The following APLP2 variants were observed in gnomAD, a reference collection of about 807,000 sequenced individuals.
APLP2 encodes the protein CDEI box-binding protein.
In APLP2, 53 loss-of-function variants were observed where a neutral mutation model predicts 89.9. That is an observed-to-expected ratio of 0.59 (90% CI 0.47 to 0.74). The LOEUF (loss-of-function observed/expected upper bound fraction) is 0.74, where lower values mean the gene tolerates loss of function less well. APLP2 is among the 30% of genes least tolerant of loss of function. The pLI, the probability that APLP2 is intolerant of heterozygous loss-of-function variation, is 0.00. For synonymous variants in APLP2, 372 were observed against 348.6 expected (o/e 1.07, Z -0.75); for missense variants, 973 against 975.9 (o/e 1.00, Z 0.04).
In APLP2 at chr11:130,132,619, T is replaced by A. The variant is rs594451; in HGVS notation, c.1585-1010T>A. 3.5e-3 allele frequency among the ~76,000 whole-genome samples: 485 copies of A among 137,600 alleles called. 2 individuals are homozygous for A. The highest frequency in any genetic ancestry group is 0.011 in the Middle Eastern group (3 of 274). 90.3% of individuals were successfully genotyped at this position (137,600 alleles called of 152,430 possible). A position where few individuals can be genotyped will look rare whatever the true frequency, so the allele number is the denominator to read the frequency against. On this transcript the variant is annotated intron_variant, in intron 11 of 16. Transcript: ENST00000338167. Reference sequence around the variant, plus strand: ...TTCTAATGGCCTTTTTTTTTTTTTTTAAATAATGAATAACCTTAGAACTTT... The same window carrying A: ...TTCTAATGGCCTTTTTTTTTTTTTTAAAATAATGAATAACCTTAGAACTTT...
chr11:130,100,265 G>A (rs1946729556), intron 1 of APLP2: 1 of 152,180 alleles, frequency 6.6e-6, no homozygotes, highest in Admixed American at 6.5e-5. Context: ...TTTCTCCCAG[G>A]TCAGTAGTAC....
intron 1 of APLP2, among the ~76,000 whole-genome samples, chr11:130,087,269 C>G (rs1591771356): frequency 6.6e-6 from 1 of 152,338 alleles, no homozygotes; most frequent in South Asian, 2.1e-4. Flanking sequence ...GACCTGCAGT[C>G]TGCAGGCAGA....
intron 1 of APLP2, among the ~76,000 whole-genome samples, chr11:130,098,259 G>A (rs1342580964): frequency 2.6e-5 from 4 of 152,134 alleles, no homozygotes; most frequent in Non-Finnish European, 5.9e-5. Context: ...ACAAAAATTA[G>A]CCGGGTGTGG....
Position 130,070,003 on chromosome 11 carries a change from C to T in APLP2, c.26C>T (p.Ala9Val). The change falls in exon 1 of 17, where the codon GCC becomes GTC. Residue 9 changes from alanine (A) to valine (V), a missense_variant. Physicochemically the swap from Ala to Val is moderately conservative, Grantham distance 64. Transcript: ENST00000338167. ...ATGGCGGCCACCGGGACCGCGGCCG[C>T]CGCAGCCACGGGCAGGCTCCTGCTT... The part of the protein sequence containing the change: MAATGTAA[A>V]AATGRLLLLL... 1 of 1,505,758 alleles carries T rather than the reference C, an allele frequency of 6.6e-7. No homozygotes were observed. Among genetic ancestry groups the T allele is most frequent in the Non-Finnish European group, 8.8e-7 (1 of 1,132,632 alleles). The allele number at this position is 1,505,758 out of a possible 1,614,324, so 93.3% of individuals were successfully genotyped here.
Position 130,069,945 on chromosome 11 carries a change from T to G in APLP2, c.-33T>G, listed in dbSNP as rs750273494. ...AGCGAGGAGTCCGAGTGTGTGAGCT[T>G]GAGAGCCGCGCGCTAGAGCGACCCG... On this transcript the variant is annotated 5_prime_UTR_variant, in exon 1 of 17. Transcript: ENST00000338167. 69 of 1,472,726 alleles carry G rather than the reference T, an allele frequency of 4.7e-5. 2 individuals are homozygous for G. The Middle Eastern group carries it at 5.6e-4, about 12-fold the overall frequency. The allele number at this position is 1,472,726 out of a possible 1,614,324, so 91.2% of individuals were successfully genotyped here. A position where few individuals can be genotyped will look rare whatever the true frequency, so the allele number is the denominator to read the frequency against.
chr11:130,135,482 C>G, intron 12 of APLP2, 81 bp from the exon 13 acceptor site: 2 of 1,494,152 alleles, frequency 1.3e-6, no homozygotes, highest in Non-Finnish European at 1.8e-6. Flanking sequence ...ACAGTGGGGT[C>G]TTGGAGCTCT....
chr11:130,110,399 C>A, intron 2 of APLP2, 139 bp from the exon 3 acceptor site: 1 of 1,022,460 alleles, frequency 9.8e-7, no homozygotes, highest in East Asian at 2.6e-5. Flanking sequence ...TCAGTTAGAG[C>A]CAGGGATAAT....
At chr11:130,107,324 A>G (rs1357547527) in intron 1 of APLP2, among the ~76,000 whole-genome samples, 5 of 152,256 alleles carry the variant, frequency 3.3e-5, no homozygotes, top group Non-Finnish European at 5.9e-5. Flanking sequence ...TAAAGTTAGA[A>G]GTATCCCAGA....
rs1591744866 is a variant in APLP2 at position 130,070,584 on chromosome 11, C to G, written c.105+502C>G. The G allele has an allele frequency of 8.4e-6, 11 of 1,314,260 alleles. No homozygotes were observed. The East Asian group carries it at 3.2e-4, about 38-fold the overall frequency. 81.4% of individuals were successfully genotyped at this position (1,314,260 alleles called of 1,614,324 possible). A position where few individuals can be genotyped will look rare whatever the true frequency, so the allele number is the denominator to read the frequency against. Reference sequence around the variant, plus strand: ...GGCTTCGCCTTTGTTGCCAGGTGGACGCGGCCCCGGCCTTCGCGCGCGGCA... The same window carrying G: ...GGCTTCGCCTTTGTTGCCAGGTGGAGGCGGCCCCGGCCTTCGCGCGCGGCA... On this transcript the variant is annotated intron_variant, in intron 1 of 16. Coordinates refer to ENST00000338167, the MANE Select transcript of APLP2 (RefSeq NM_001142276.2).
At chr11:130,071,048 G>GT (rs1487051765) in intron 1 of APLP2, among the ~76,000 whole-genome samples, 1 of 152,248 alleles carries the variant, frequency 6.6e-6, no homozygotes, top group Non-Finnish European at 1.5e-5. Flanking sequence ...CCTTCTCGAA[G>GT]TGGTGCTTGA....
chr11:130,070,079 C>T lies in APLP2; in HGVS notation c.102C>T (p.Ile34=). ...TAPALALAGY[I]EALAANAGTG... ...CTGCCTTGGCGCTGGCCGGCTACAT[C>T]GAGGTGGGGACCGGGCGAACGCCGG... The change falls in exon 1 of 17, where the codon ATC becomes ATT. Residue 34 remains isoleucine (I), a synonymous_variant. Coordinates refer to ENST00000338167, the MANE Select transcript of APLP2 (RefSeq NM_001142276.2). 3 of 1,468,702 alleles carry T rather than the reference C, an allele frequency of 2.0e-6. No individual in the cohort carries two copies. The highest frequency in any genetic ancestry group is 2.7e-6 in the Non-Finnish European group (3 of 1,117,796). 91.0% of individuals were successfully genotyped at this position (1,468,702 alleles called of 1,614,324 possible).
intron 13 of APLP2, chr11:130,137,204 A>C: frequency 1.3e-6 from 2 of 1,526,992 alleles, no homozygotes. Context: ...TTCTTTTTTA[A>C]TCTCCTTTTG....
In APLP2 at chr11:130,143,558, C is replaced by T; in HGVS notation, c.*110C>T. 1.2e-6 allele frequency: 1 copy of T among 844,388 alleles called. No individual in the cohort carries two copies. The highest frequency in any genetic ancestry group is 1.4e-5 in the South Asian group (1 of 72,068). 52.3% of individuals were successfully genotyped at this position (844,388 alleles called of 1,614,324 possible). On this transcript the variant is annotated 3_prime_UTR_variant, in exon 17 of 17. Transcript: ENST00000338167. ...CGCTGCCAGGGGCTGCGTCTGACAT[C>T]CTGACCTCCTGGACTGTAGGACTAT... is the stretch of plus-strand genomic sequence containing the variant.
chr11:130,101,799 A>G, intron 1 of APLP2: 1 of 373,356 alleles, frequency 2.7e-6, no homozygotes, highest in South Asian at 2.0e-5. Context: ...TTGCACTGGC[A>G]CAGCACTGTT....
At chr11:130,101,600 A>G in intron 1 of APLP2, 1 of 172,382 alleles carries the variant, frequency 5.8e-6, no homozygotes, top group South Asian at 1.2e-4. Flanking sequence ...CTTAATATTG[A>G]AACGATGCAT....
chr11:130,100,017 G>A (rs1946697538), intron 1 of APLP2, among the ~76,000 whole-genome samples: 1 of 152,174 alleles, frequency 6.6e-6, no homozygotes, highest in Admixed American at 6.5e-5. Context: ...AATAATGAAA[G>A]CTCCCAATGC....
intron 1 of APLP2, among the ~76,000 whole-genome samples, chr11:130,097,199 T>C (rs573742574): frequency 2.6e-4 from 39 of 152,380 alleles, no homozygotes; most frequent in African/African-American, 9.1e-4. Flanking sequence ...TGATTTGTTA[T>C]ATCCAGATTG....
At chr11:130,122,588 A>C in intron 6 of APLP2, 75 bp downstream of exon 6, 4 of 1,586,472 alleles carry the variant, frequency 2.5e-6, no homozygotes, top group Non-Finnish European at 3.4e-6. Context: ...TGCGTCTGTC[A>C]CAGGTAAGTC....
At chr11:130,083,428 T>C (rs1006308277) in intron 1 of APLP2, among the ~76,000 whole-genome samples, 2 of 152,212 alleles carry the variant, frequency 1.3e-5, no homozygotes, top group African/African-American at 2.4e-5. Flanking sequence ...GAAAATGTTA[T>C]ACAGCAAATC....
Sources: gnomAD v4.1 joint callset for allele counts (sites outside exome capture counted in the v4.1 genomes callset) on GRCh38, gnomAD v4.1.1 for gene constraint, MANE v1.5 for transcripts, NCBI Gene and HGNC (gene_info 2026-07-23, HGNC 2026-07-21) for gene names.